AVEN: variants seen among roughly 807,000 people sequenced by gnomAD.
AVEN encodes apoptosis and caspase activation inhibitor.
In AVEN, 41 loss-of-function variants were observed where a neutral mutation model predicts 38.1. The observed-to-expected ratio is 1.08, with a 90% confidence interval of 0.84 to 1.40. AVEN has a LOEUF of 1.40. AVEN is among the 40% of genes most tolerant of loss of function. AVEN has a pLI of 0.00. For missense variants in AVEN, 605 were observed against 438.8 expected, an observed-to-expected ratio of 1.38 and a Z score of -3.38; for synonymous variants, 206 against 171.8, an observed-to-expected ratio of 1.20 and a Z score of -1.56.
chr15:33,969,623 G>T (rs1159139007), intron 2 of AVEN, among the ~76,000 whole-genome samples: 1 of 151,916 alleles, frequency 6.6e-6, no homozygotes, highest in Admixed American at 6.6e-5. Flanking sequence ...AGAAAAAAAA[G>T]CTGTGATGTC....
chr15:34,004,443 A>G (rs1174083185), intron 1 of AVEN, among the ~76,000 whole-genome samples: 1 of 152,230 alleles, frequency 6.6e-6, no homozygotes, highest in Admixed American at 6.5e-5. Flanking sequence ...AATCAGTTGT[A>G]ATGTAGGGAA....
chr15:33,991,198 G>A (rs865816767), intron 2 of AVEN: 1 of 152,038 alleles, frequency 6.6e-6, no homozygotes, highest in African/African-American at 2.4e-5. Context: ...AGTGTTTGAC[G>A]GTATTAAATC....
intron 2 of AVEN, among the ~76,000 whole-genome samples, chr15:33,946,635 G>A (rs537826863): frequency 5.3e-5 from 8 of 152,274 alleles, no homozygotes; most frequent in Admixed American, 1.3e-4. Flanking sequence ...GGTAGGAAGC[G>A]TGGGGCAGTT....
chr15:33,868,185 G>C (rs1390828673), intron 4 of AVEN, among the ~76,000 whole-genome samples: 1 of 152,082 alleles, frequency 6.6e-6, no homozygotes, highest in African/African-American at 2.4e-5. Context: ...GGTCTATTTG[G>C]CTTTACACTT....
intron 2 of AVEN, among the ~76,000 whole-genome samples, chr15:33,880,980 A>G (rs976696239): frequency 1.2e-4 from 18 of 152,352 alleles, no homozygotes; most frequent in African/African-American, 4.3e-4. Context: ...TAAATACCAC[A>G]AAAGTTACCA....
intron 1 of AVEN, among the ~76,000 whole-genome samples, chr15:34,023,642 G>C (rs1229698948): frequency 2.0e-5 from 3 of 152,074 alleles, no homozygotes; most frequent in Non-Finnish European, 2.9e-5. Context: ...CTGACCTCTG[G>C]AACACTGTCC....
chr15:33,891,014 T>G (rs752884908), intron 2 of AVEN, among the ~76,000 whole-genome samples: 1 of 151,736 alleles, frequency 6.6e-6, no homozygotes, highest in African/African-American at 2.4e-5. Flanking sequence ...GAGGCTGAGA[T>G]GAGAGGATTG....
chr15:33,853,496 C>G, the AVEN span: 45,071 of 1,585,810 alleles, frequency 0.028, 2,160 homozygotes, highest in East Asian at 0.24. Context: ...GACCCCAGAG[C>G]TAGAAAATAT....
At chr15:34,064,468 T>C in intron 4 of AVEN, 1 of 880,372 alleles carries the variant, frequency 1.1e-6, no homozygotes, top group East Asian at 2.7e-5. Flanking sequence ...GGTTGCCAAA[T>C]GGAAGGGGCC....
intron 2 of AVEN, among the ~76,000 whole-genome samples, chr15:33,951,696 G>A (rs1397743389): frequency 6.6e-6 from 1 of 151,972 alleles, no homozygotes; most frequent in Non-Finnish European, 1.5e-5. Flanking sequence ...TCTCCTTGAA[G>A]GCAAATAAGG....
intron 2 of AVEN, among the ~76,000 whole-genome samples, chr15:33,983,542 G>T (rs1025325778): frequency 2.0e-4 from 31 of 152,072 alleles, no homozygotes; most frequent in African/African-American, 7.2e-4. Context: ...GGCAATTCTT[G>T]GCTTCAGAGA....
chr15:33,935,513 A>C (rs1894025864), intron 2 of AVEN, among the ~76,000 whole-genome samples: 1 of 151,756 alleles, frequency 6.6e-6, no homozygotes, highest in South Asian at 2.1e-4. Flanking sequence ...TATGTGTGTG[A>C]GTATATATAT....
intron 2 of AVEN, among the ~76,000 whole-genome samples, chr15:33,970,323 T>G (rs1895580948): frequency 1.3e-5 from 2 of 151,990 alleles, no homozygotes; most frequent in South Asian, 4.1e-4. Flanking sequence ...ATATCATAAG[T>G]CTTTTACATC....
exon 1 of AVEN, among the ~76,000 whole-genome samples, chr15:34,075,155 C>A (rs893338165): frequency 3.8e-5 from 5 of 132,310 alleles, no homozygotes; most frequent in Non-Finnish European, 6.2e-5. Context: ...GCACTCCAGC[C>A]TGGGCAAAAG....
At chr15:33,989,510 C>G (rs1896626881) in intron 2 of AVEN, among the ~76,000 whole-genome samples, 1 of 151,696 alleles carries the variant, frequency 6.6e-6, no homozygotes, top group Non-Finnish European at 1.5e-5. Flanking sequence ...CTGACGCCCA[C>G]CAAGTGTTCC....
chr15:33,870,843 T>G, intron 4 of AVEN, 92 bp downstream of exon 4: 1 of 848,226 alleles, frequency 1.2e-6, no homozygotes, highest in Non-Finnish European at 1.8e-6. Flanking sequence ...AAAGGGAAGC[T>G]GACACTGAGA....
chr15:33,985,254 G>A lies in AVEN; in HGVS notation c.445+17778C>T, dbSNP rs539642079. Among the ~76,000 whole-genome samples the A allele has an allele frequency of 3.3e-5, 5 of 149,696 alleles. No homozygotes were observed. The East Asian group carries it at 7.9e-4, about 24-fold the overall frequency. ...AGACAAAAGGTGTCTCTGGCAAAAG[G>A]AGTAGTCAAACTTCATGTTAATTTT... On this transcript the variant is annotated intron_variant, in intron 2 of 5. Transcript: ENST00000306730.
At chr15:33,922,343 A>C (rs1304246473) in intron 2 of AVEN, among the ~76,000 whole-genome samples, 2 of 152,224 alleles carry the variant, frequency 1.3e-5, no homozygotes, top group Non-Finnish European at 2.9e-5. Flanking sequence ...ATGGATGGCT[A>C]TCCTGTACCT....
At chr15:33,944,483 G>A (rs1349210038) in intron 2 of AVEN, among the ~76,000 whole-genome samples, 1 of 152,148 alleles carries the variant, frequency 6.6e-6, no homozygotes, top group East Asian at 1.9e-4. Context: ...AACAATACCT[G>A]CGTGTGGAAT....
Sources: allele counts gnomAD v4.1 joint callset (sites outside exome capture counted in the v4.1 genomes callset), GRCh38; gene constraint gnomAD v4.1.1; transcripts MANE v1.5; gene names NCBI Gene and HGNC (gene_info 2026-07-23, HGNC 2026-07-21).